The following CAMTA1 variants were observed in gnomAD, a reference collection of about 807,000 sequenced individuals.
CAMTA1 encodes calmodulin binding transcription activator 1, also known as calmodulin-binding transcription activator 1.
CAMTA1 carries 27 observed loss-of-function variants against 170.9 expected under a neutral mutation model. The observed-to-expected ratio is 0.16, with a 90% CI of 0.12 to 0.22. The LOEUF (loss-of-function observed/expected upper bound fraction) is 0.22. CAMTA1 is among the 10% of genes least tolerant of loss of function. CAMTA1 has a pLI of 1.00. For synonymous variants in CAMTA1, 833 were observed against 891.5 expected (o/e 0.93, Z 1.17); for missense variants, 1,619 against 2,217.2 (o/e 0.73, Z 5.42).
At chr1:7,193,336 A>C (rs1654902728) in intron 4 of CAMTA1, among the ~76,000 whole-genome samples, 1 of 150,212 alleles carries the variant, frequency 6.7e-6, no homozygotes, top group African/African-American at 2.5e-5. Context: ...TGGGCGACAG[A>C]GTGAGACTCT....
At chr1:7,723,432 G>A (rs1394233371) in intron 11 of CAMTA1, among the ~76,000 whole-genome samples, 1 of 152,130 alleles carries the variant, frequency 6.6e-6, no homozygotes, top group Non-Finnish European at 1.5e-5. Context: ...ATAAGTGATT[G>A]ACTAAATACA....
intron 4 of CAMTA1, among the ~76,000 whole-genome samples, chr1:7,225,457 C>T (rs1255306460): frequency 6.6e-6 from 1 of 152,172 alleles, no homozygotes; most frequent in Admixed American, 6.5e-5. Context: ...ATCCTGGGAG[C>T]CTTTTCTCCG....
intron 3 of CAMTA1, among the ~76,000 whole-genome samples, chr1:6,972,130 G>A (rs1172531475): frequency 6.6e-6 from 1 of 152,206 alleles, no homozygotes; most frequent in Non-Finnish European, 1.5e-5. Flanking sequence ...GGGCTTCCCT[G>A]TTGGGAAGGT....
At chr1:7,743,635 A>C (rs933266547) in intron 16 of CAMTA1, among the ~76,000 whole-genome samples, 1 of 152,028 alleles carries the variant, frequency 6.6e-6, no homozygotes, top group African/African-American at 2.4e-5. Context: ...TCGTGTTGGC[A>C]GGAGAAGCAT....
At chr1:7,636,960 G>A (rs910987336) in intron 6 of CAMTA1, among the ~76,000 whole-genome samples, 2 of 152,232 alleles carry the variant, frequency 1.3e-5, no homozygotes, top group African/African-American at 2.4e-5. Context: ...CCCTACTATG[G>A]TAGAGGCAGA....
intron 6 of CAMTA1, among the ~76,000 whole-genome samples, chr1:7,619,654 T>C (rs1005829757): frequency 2.8e-5 from 4 of 142,472 alleles, no homozygotes; most frequent in Non-Finnish European, 6.1e-5. Flanking sequence ...AGAAATTGAT[T>C]TTTTTTTTTT....
intron 3 of CAMTA1, among the ~76,000 whole-genome samples, chr1:6,976,431 G>A (rs529103607): frequency 6.6e-5 from 10 of 152,324 alleles, no homozygotes; most frequent in African/African-American, 1.9e-4. Flanking sequence ...GCCTTTCAGA[G>A]TGTTGGCAGG....
At position 7,025,512 on chromosome 1, in the gene CAMTA1, AG is replaced by A. The variant is rs919201885; in HGVS notation, c.235-65790del. Among the ~76,000 whole-genome samples the A allele has an allele frequency of 7.2e-5, 11 of 152,290 alleles. No homozygotes were observed. The East Asian group carries it at 2.1e-3, about 29-fold the overall frequency. On this transcript the variant is annotated intron_variant, in intron 3 of 22. Transcript: ENST00000303635. ...GGCCTTACTGGGGTGGGGGAGGTAG[AG>A]GAGGGTGGATGTAGCTACATTCAAC...
intron 3 of CAMTA1, among the ~76,000 whole-genome samples, chr1:6,885,506 T>G (rs946522261): frequency 6.6e-6 from 1 of 152,222 alleles, no homozygotes. Flanking sequence ...TGCTGAAACT[T>G]AAACTTTAAC....
intron 7 of CAMTA1, among the ~76,000 whole-genome samples, chr1:7,661,336 C>G (rs938618091): frequency 3.3e-5 from 5 of 152,230 alleles, no homozygotes; most frequent in Admixed American, 3.3e-4. Context: ...ACAAGAAGCT[C>G]ACAGGCTGGG....
At chr1:7,301,808 T>C (rs1253406783) in intron 5 of CAMTA1, among the ~76,000 whole-genome samples, 2 of 152,166 alleles carry the variant, frequency 1.3e-5, no homozygotes, top group Non-Finnish European at 2.9e-5. Flanking sequence ...ACCCAGCAAG[T>C]GCTCTCACTT....
chr1:7,198,847 G>C (rs1201072457), intron 4 of CAMTA1, among the ~76,000 whole-genome samples: 1 of 152,136 alleles, frequency 6.6e-6, no homozygotes, highest in African/African-American at 2.4e-5. Context: ...TGAGTCTGGG[G>C]GAGCCCTCTG....
chr1:6,824,402 C>A (rs1646873464), intron 2 of CAMTA1, among the ~76,000 whole-genome samples: 1 of 152,042 alleles, frequency 6.6e-6, no homozygotes, highest in Non-Finnish European at 1.5e-5. Context: ...GTCAGACATA[C>A]CATCTAGTCT....
At chr1:7,469,221 T>C (rs2149550509) in intron 6 of CAMTA1, among the ~76,000 whole-genome samples, 1 of 152,270 alleles carries the variant, frequency 6.6e-6, no homozygotes, top group Non-Finnish European at 1.5e-5. Context: ...GCTGACGTGC[T>C]AGCACCTGCT....
At chr1:7,594,621 G>A (rs1056179904) in intron 6 of CAMTA1, among the ~76,000 whole-genome samples, 12 of 152,240 alleles carry the variant, frequency 7.9e-5, no homozygotes, top group Non-Finnish European at 1.2e-4. Flanking sequence ...GTCCAGACAA[G>A]AGAGGGTGGT....
At chr1:6,974,343 A>AC (rs1693044326) in intron 3 of CAMTA1, among the ~76,000 whole-genome samples, 1 of 152,230 alleles carries the variant, frequency 6.6e-6, no homozygotes, top group Non-Finnish European at 1.5e-5. Flanking sequence ...TTTTAAAAAC[A>AC]CTTGGACCAA....
chr1:7,668,656 G>A (rs372260822), intron 9 of CAMTA1, among the ~76,000 whole-genome samples: 1 of 152,076 alleles, frequency 6.6e-6, no homozygotes, highest in Non-Finnish European at 1.5e-5. Flanking sequence ...CCAGTTCAGC[G>A]CAGCCAGGCG....
chr1:7,741,428 TG>T (rs901236409), intron 16 of CAMTA1, among the ~76,000 whole-genome samples: 2 of 151,798 alleles, frequency 1.3e-5, no homozygotes, highest in Non-Finnish European at 2.9e-5. Flanking sequence ...CCAGGCATGG[TG>T]GCGGGCACCT....
intron 3 of CAMTA1, among the ~76,000 whole-genome samples, chr1:7,056,258 A>T (rs149361262): frequency 1.3e-5 from 2 of 152,336 alleles, no homozygotes; most frequent in African/African-American, 4.8e-5. Context: ...ACACACATGC[A>T]CAGTTTTATG....
Sources: allele counts gnomAD v4.1 joint callset (sites outside exome capture counted in the v4.1 genomes callset), GRCh38; gene constraint gnomAD v4.1.1; transcripts MANE v1.5; gene names NCBI Gene and HGNC (gene_info 2026-07-23, HGNC 2026-07-21).